NRXN1: variants seen among roughly 807,000 people sequenced by gnomAD.
NRXN1 encodes the protein neurexin-1.
A neutral mutation model predicts 150.9 loss-of-function variants in NRXN1; 39 were observed. The observed-to-expected ratio is 0.26, with a 90% CI of 0.20 to 0.34. The LOEUF is 0.34. Ranked by LOEUF, NRXN1 falls within the 10% of genes least tolerant of loss-of-function variation. The pLI, the probability that NRXN1 is intolerant of heterozygous loss-of-function variation, is 1.00. For missense variants in NRXN1, 1,815 were observed against 1,949.9 expected (o/e 0.93, Z 1.30); for synonymous variants, 924 against 757.0 (o/e 1.22, Z -3.62).
chr2:50,662,607 C>T (rs370887691), intron 5 of NRXN1, among the ~76,000 whole-genome samples: 5 of 151,614 alleles, frequency 3.3e-5, no homozygotes, highest in South Asian at 4.2e-4. Context: ...TTTGTTTTTG[C>T]GATTTTTTTT....
intron 5 of NRXN1, among the ~76,000 whole-genome samples, chr2:50,681,947 C>G (rs574348525): frequency 1.3e-5 from 2 of 152,234 alleles, no homozygotes; most frequent in African/African-American, 4.8e-5. Context: ...CTCATGCTGT[C>G]TCATCTATAA....
At chr2:50,694,841 T>G (rs1314623098) in intron 5 of NRXN1, among the ~76,000 whole-genome samples, 2 of 152,200 alleles carry the variant, frequency 1.3e-5, no homozygotes, top group Non-Finnish European at 2.9e-5. Flanking sequence ...TTCTACATTT[T>G]AGCAATAGTC....
rs113981624 is a variant in NRXN1 at position 49,993,863 on chromosome 2, C to A, written c.4129-50072G>T. The stretch of plus-strand genomic sequence containing the variant: ...AGGGTGTCCACCTTTACCTCATTAA[C>A]TTATTTGAATGGTACATTTGTATCT... On this transcript the variant is annotated intron_variant, in intron 21 of 22. Transcript: ENST00000401669. 5.1e-3 allele frequency among the ~76,000 whole-genome samples: 776 copies of A among 152,300 alleles called. 6 individuals carry two copies. Among genetic ancestry groups the A allele is most frequent in the African/African-American group, 0.018 (744 of 41,574 alleles).
At chr2:50,205,512 G>A (rs2062504781) in intron 18 of NRXN1, among the ~76,000 whole-genome samples, 1 of 151,994 alleles carries the variant, frequency 6.6e-6, no homozygotes, top group African/African-American at 2.4e-5. Flanking sequence ...TTTCAAGAAT[G>A]CCAAGAAATA....
intron 5 of NRXN1, among the ~76,000 whole-genome samples, chr2:50,772,720 T>A (rs1006697329): frequency 6.6e-6 from 1 of 152,148 alleles, no homozygotes; most frequent in Non-Finnish European, 1.5e-5. Flanking sequence ...ATATCTCAAA[T>A]GCCATCCTCA....
chr2:50,159,465 C>A (rs531330116), intron 18 of NRXN1, among the ~76,000 whole-genome samples: 3 of 152,046 alleles, frequency 2.0e-5, no homozygotes, highest in Admixed American at 2.0e-4. Flanking sequence ...AAAATAGAAA[C>A]CTATTTCAAT....
chr2:50,535,981 C>T (rs2093248722), intron 10 of NRXN1, among the ~76,000 whole-genome samples: 1 of 152,084 alleles, frequency 6.6e-6, no homozygotes, highest in Admixed American at 6.5e-5. Flanking sequence ...CAAGAGTTGT[C>T]AACTCTTATT....
At chr2:50,383,951 C>T (rs370643953) in intron 17 of NRXN1, among the ~76,000 whole-genome samples, 6 of 152,144 alleles carry the variant, frequency 3.9e-5, no homozygotes, top group East Asian at 3.9e-4. Flanking sequence ...CAACTTACCC[C>T]GTTTATACAT....
chr2:50,082,922 T>C (rs1471651957), intron 19 of NRXN1, among the ~76,000 whole-genome samples: 1 of 152,224 alleles, frequency 6.6e-6, no homozygotes, highest in Non-Finnish European at 1.5e-5. Context: ...AAGAAATTAA[T>C]TTCTCAGATT....
At chr2:51,006,485 T>C (rs2105144661) in intron 2 of NRXN1, among the ~76,000 whole-genome samples, 1 of 152,040 alleles carries the variant, frequency 6.6e-6, no homozygotes, top group East Asian at 2.0e-4. Context: ...ACGTGGCACA[T>C]GTATGTATAT....
chr2:50,213,016 C>T (rs1017440163), intron 18 of NRXN1, among the ~76,000 whole-genome samples: 2 of 151,764 alleles, frequency 1.3e-5, no homozygotes, highest in African/African-American at 4.8e-5. Flanking sequence ...GTTTCTAATT[C>T]CCCTAAGATG....
chr2:50,344,205 C>T (rs768097592), intron 17 of NRXN1, among the ~76,000 whole-genome samples: 2 of 152,126 alleles, frequency 1.3e-5, no homozygotes, highest in Non-Finnish European at 2.9e-5. Context: ...TGCACTCACA[C>T]CTCACCCCAT....
At chr2:49,994,516 A>G (rs1031208126) in intron 21 of NRXN1, among the ~76,000 whole-genome samples, 1 of 152,220 alleles carries the variant, frequency 6.6e-6, no homozygotes, top group Non-Finnish European at 1.5e-5. Flanking sequence ...GGATTCCTGA[A>G]GGTTAGAGTA....
chr2:50,967,941 T>C (rs144856400), intron 2 of NRXN1, among the ~76,000 whole-genome samples: 1 of 152,182 alleles, frequency 6.6e-6, no homozygotes, highest in Admixed American at 6.6e-5. Flanking sequence ...ATAGAGCTCA[T>C]GGATAATGAT....
intron 22 of NRXN1, among the ~76,000 whole-genome samples, chr2:49,939,267 T>C (rs1671558699): frequency 6.6e-6 from 1 of 152,192 alleles, no homozygotes; most frequent in Admixed American, 6.5e-5. Flanking sequence ...TAAACGTTTT[T>C]TGAGAAAAAT....
At chr2:50,293,618 A>G (rs2073212155) in intron 17 of NRXN1, among the ~76,000 whole-genome samples, 1 of 152,188 alleles carries the variant, frequency 6.6e-6, no homozygotes, top group Non-Finnish European at 1.5e-5. Context: ...TTAGGAAGAC[A>G]TGATACACTG....
At chr2:49,967,293 A>G (rs1049569371) in intron 21 of NRXN1, among the ~76,000 whole-genome samples, 3 of 152,090 alleles carry the variant, frequency 2.0e-5, no homozygotes, top group African/African-American at 7.2e-5. Context: ...TAGAATCTCA[A>G]ATTATTCTGA....
intron 5 of NRXN1, among the ~76,000 whole-genome samples, chr2:50,724,410 T>C (rs926883526): frequency 2.0e-5 from 3 of 152,208 alleles, no homozygotes; most frequent in Admixed American, 1.3e-4. Context: ...ATTGATATAC[T>C]CAATATCAGA....
chr2:50,352,331 C>T (rs2078470884), intron 17 of NRXN1, among the ~76,000 whole-genome samples: 1 of 152,024 alleles, frequency 6.6e-6, no homozygotes, highest in Non-Finnish European at 1.5e-5. Context: ...ACCTTTTTGT[C>T]TCAAAAAACA....
Sources: gnomAD v4.1 joint callset for allele counts (sites outside exome capture counted in the v4.1 genomes callset) on GRCh38, gnomAD v4.1.1 for gene constraint, MANE v1.5 for transcripts, NCBI Gene and HGNC (gene_info 2026-07-23, HGNC 2026-07-21) for gene names.